ZSWIM6: variants seen among roughly 807,000 people sequenced by gnomAD.
The protein encoded by ZSWIM6 is zinc finger SWIM-type containing 6, also known as zinc finger SWIM domain-containing protein 6.
A neutral mutation model predicts 113.2 loss-of-function variants in ZSWIM6; 9 were observed. The observed-to-expected ratio is 0.08, with a 90% CI of 0.05 to 0.14. The LOEUF is 0.14. Among genes scored for constraint, ZSWIM6 ranks in the 10% least tolerant of loss-of-function variants. The pLI is 1.00. For missense variants in ZSWIM6, 1,162 were observed against 1,552.2 expected (o/e 0.75, Z 4.22); for synonymous variants, 611 against 606.5 (o/e 1.01, Z -0.11).
intron 1 of ZSWIM6, among the ~76,000 whole-genome samples, chr5:61,338,430 G>GA (rs1253906224): frequency 6.6e-6 from 1 of 152,092 alleles, no homozygotes; most frequent in Non-Finnish European, 1.5e-5. Flanking sequence ...TTTGATTAAT[G>GA]AAATACACAA....
At chr5:61,493,707 T>G (rs1748245623) in intron 3 of ZSWIM6, among the ~76,000 whole-genome samples, 1 of 152,160 alleles carries the variant, frequency 6.6e-6, no homozygotes, top group South Asian at 2.1e-4. Flanking sequence ...AGCAGCACCT[T>G]GCTTAAATCT....
At chr5:61,412,784 C>A (rs894412041) in intron 1 of ZSWIM6, among the ~76,000 whole-genome samples, 10 of 152,016 alleles carry the variant, frequency 6.6e-5, no homozygotes, top group Non-Finnish European at 2.9e-5. Flanking sequence ...CTCATTAAGC[C>A]TGGTCTTTTG....
chr5:61,417,118 G>A (rs1746274810), intron 1 of ZSWIM6, among the ~76,000 whole-genome samples: 1 of 152,056 alleles, frequency 6.6e-6, no homozygotes, highest in Admixed American at 6.5e-5. Context: ...CTCCAGCCTG[G>A]GCAACAAGAG....
At chr5:61,377,283 A>G (rs900994708) in intron 1 of ZSWIM6, among the ~76,000 whole-genome samples, 1 of 152,194 alleles carries the variant, frequency 6.6e-6, no homozygotes, top group African/African-American at 2.4e-5. Context: ...ATGAAATTTA[A>G]ATGGATCAAA....
rs748681316 is a variant in ZSWIM6, at chr5:61,383,101, G to T, written c.676+50153G>T. 4.7e-4 allele frequency among the ~76,000 whole-genome samples: 72 copies of T among 152,324 alleles called. 3 individuals carry two copies. Among genetic ancestry groups the T allele is most frequent in the South Asian group, 2.5e-3 (12 of 4,832 alleles). On this transcript the variant is annotated intron_variant, in intron 1 of 13. Transcript: ENST00000252744. ...AAAGTCTGGACACACAGGGAAAATT[G>T]TGTGTTATTCAGTGATCATCTTACT...
intron 5 of ZSWIM6, among the ~76,000 whole-genome samples, chr5:61,523,447 G>A (rs1749187183): frequency 6.6e-6 from 1 of 152,064 alleles, no homozygotes; most frequent in Non-Finnish European, 1.5e-5. Flanking sequence ...CAAAAGTATA[G>A]CCAATTTTAT....
chr5:61,521,490 C>T (rs1749119557), intron 5 of ZSWIM6, 48 bp downstream of exon 5: 3 of 1,334,526 alleles, frequency 2.2e-6, no homozygotes, highest in South Asian at 4.1e-5. Flanking sequence ...CTTAATTATG[C>T]ATATGTGCTT....
chr5:61,466,013 T>C (rs889147881), intron 1 of ZSWIM6, among the ~76,000 whole-genome samples: 1 of 152,204 alleles, frequency 6.6e-6, no homozygotes, highest in Non-Finnish European at 1.5e-5. Context: ...GGATTTCCCT[T>C]TGAGAAAATT....
At chr5:61,483,894 T>TAAATA (rs1747946384) in intron 2 of ZSWIM6, among the ~76,000 whole-genome samples, 2 of 149,604 alleles carry the variant, frequency 1.3e-5, no homozygotes, top group African/African-American at 2.4e-5. Context: ...AATAAATAAA[T>TAAATA]AAATAAAATA....
chr5:61,447,694 T>G (rs192197502), intron 1 of ZSWIM6, among the ~76,000 whole-genome samples: 1 of 152,268 alleles, frequency 6.6e-6, no homozygotes, highest in East Asian at 1.9e-4. Flanking sequence ...TGTGTTCAGG[T>G]CAGGGAATCA....
At chr5:61,495,600 C>T (rs374658420) in intron 4 of ZSWIM6, among the ~76,000 whole-genome samples, 1 of 152,102 alleles carries the variant, frequency 6.6e-6, no homozygotes, top group African/African-American at 2.4e-5. Flanking sequence ...GCCCTTCCCC[C>T]TAATCAAAAT....
At chr5:61,364,451 T>C (rs1745110264) in intron 1 of ZSWIM6, among the ~76,000 whole-genome samples, 1 of 152,032 alleles carries the variant, frequency 6.6e-6, no homozygotes, top group Admixed American at 6.6e-5. Flanking sequence ...GAAAAAAAAA[T>C]CAAAAGAATA....
Position 61,332,857 on chromosome 5 carries a change from G to C in ZSWIM6, c.585G>C (p.Gly195=). ...GGGCCCCGTCGGTGGGGGCTGCCGG[G>C]GCGGCGGACGGCGGCGACGAGACGC... ...GAGAPSVGAA[G]AADGGDETRL... The change falls in exon 1 of 14, where the codon GGG becomes GGC. Residue 195 remains glycine (G), a synonymous_variant. Transcript: ENST00000252744. The C allele has an allele frequency of 1.7e-6, 2 of 1,192,578 alleles. No homozygotes were observed. The highest frequency in any genetic ancestry group is 2.1e-6 in the Non-Finnish European group (2 of 944,396). 73.9% of individuals were successfully genotyped at this position (1,192,578 alleles called of 1,614,324 possible).
rs1199262386 is a variant in ZSWIM6 at position 61,544,814 on chromosome 5, A to G, written c.*497A>G. On this transcript the variant is annotated 3_prime_UTR_variant, in exon 14 of 14. Transcript: ENST00000252744. ...CAACAAAATGAAATACTAATAGTAA[A>G]AAGGCTGACCCATGTGGCTTTGCAG... 1 of 152,310 alleles carries G rather than the reference A, an allele frequency of 6.6e-6. No individual in the cohort carries two copies. Among genetic ancestry groups the G allele is most frequent in the African/African-American group, 2.4e-5 (1 of 41,438 alleles). The allele number at this position is 152,310 out of a possible 1,614,324, so 9.4% of individuals were successfully genotyped here. A position where few individuals can be genotyped will look rare whatever the true frequency, so the allele number is the denominator to read the frequency against.
chr5:61,535,996 T>C (rs917789833), intron 10 of ZSWIM6, among the ~76,000 whole-genome samples: 4 of 152,262 alleles, frequency 2.6e-5, no homozygotes, highest in African/African-American at 9.6e-5. Context: ...GGCTTGAATA[T>C]AATTGAGGGA....
At position 61,506,042 on chromosome 5, in the gene ZSWIM6, G is replaced by A. The variant is rs142930799; in HGVS notation, c.1333+11632G>A. On this transcript the variant is annotated intron_variant, in intron 4 of 13. Transcript: ENST00000252744. ...ATTACAGGCGTGAGCCACTGCGCCC[G>A]GCAGATTTATTTTCTTCCTTGACAA... 6.0e-3 allele frequency among the ~76,000 whole-genome samples: 909 copies of A among 151,544 alleles called. 7 individuals carry two copies. Among genetic ancestry groups the A allele is most frequent in the Middle Eastern group, 0.01 (3 of 294 alleles).
intron 1 of ZSWIM6, among the ~76,000 whole-genome samples, chr5:61,467,339 G>A (rs1561249310): frequency 1.3e-5 from 2 of 152,088 alleles, no homozygotes; most frequent in African/African-American, 4.8e-5. Flanking sequence ...GGGTGACATT[G>A]TTTTATATTT....
chr5:61,528,137 G>C (rs542661672), intron 7 of ZSWIM6, among the ~76,000 whole-genome samples: 1 of 151,786 alleles, frequency 6.6e-6, no homozygotes, highest in East Asian at 1.9e-4. Flanking sequence ...TTAAAAATAG[G>C]CTTTTCCATA....
intron 5 of ZSWIM6, 42 bp from the exon 6 acceptor site, chr5:61,525,758 G>C: frequency 6.5e-7 from 1 of 1,548,438 alleles, no homozygotes. Context: ...ATTCACATGT[G>C]AATAATAGCT....
Sources: allele counts gnomAD v4.1 joint callset (sites outside exome capture counted in the v4.1 genomes callset), GRCh38; gene constraint gnomAD v4.1.1; transcripts MANE v1.5; gene names NCBI Gene and HGNC (gene_info 2026-07-23, HGNC 2026-07-21).